Variants in HSPA9 observed in about 807,000 individuals in gnomAD.
HSPA9 encodes the protein heat shock protein family A (Hsp70) member 9.
A neutral mutation model predicts 81.5 loss-of-function variants in HSPA9; 28 were observed. The observed-to-expected ratio is 0.34, with a 90% CI of 0.25 to 0.47. HSPA9 has a LOEUF of 0.47. Ranked by LOEUF, HSPA9 falls within the 20% of genes least tolerant of loss-of-function variation. The pLI is 1.00. For missense variants in HSPA9, 678 were observed against 838.0 expected (o/e 0.81, Z 2.36); for synonymous variants, 293 against 290.4 (o/e 1.01, Z -0.09).
chr5:138,569,076 GA>G (rs1226421156), intron 4 of HSPA9, 27 bp from the exon 5 acceptor site: 1 of 1,610,626 alleles, frequency 6.2e-7, no homozygotes, highest in East Asian at 2.2e-5. Flanking sequence ...TTCTATTAGA[GA>G]AAACTACCTG....
rs1561862820 is a variant in HSPA9 at position 138,573,786 on chromosome 5, C to T, written c.205G>A (p.Val69Ile). ...DLGTTNSCVAVMEGKQAKVLE... is the reference protein window; with the variant it reads ...DLGTTNSCVAIMEGKQAKVLE... ...ACCTTTGCTTGTTTACCTTCCATAA[C>T]TGCCACGCAGGAGTTGGTAGTACCC... is the stretch of plus-strand genomic sequence containing the variant. Residue 69 changes from valine to isoleucine, a missense_variant, in exon 3 of 17, where the codon GTT (valine) becomes ATT (isoleucine). By Grantham distance (29) the Val-to-Ile change is conservative. Coordinates refer to ENST00000297185, the MANE Select transcript of HSPA9 (RefSeq NM_004134.7). 1.9e-6 allele frequency: 3 copies of T among 1,608,566 alleles called. No homozygotes were observed. Among genetic ancestry groups the T allele is most frequent in the Non-Finnish European group, 1.7e-6 (2 of 1,176,266 alleles).
chr5:138,573,217 C>T (rs1466630901), intron 3 of HSPA9, among the ~76,000 whole-genome samples: 1 of 151,768 alleles, frequency 6.6e-6, no homozygotes, highest in Admixed American at 6.6e-5. Flanking sequence ...TTAGTAGAGA[C>T]GGGGTTTCAC....
At chr5:138,556,155 A>G (rs535687711) in intron 16 of HSPA9, 41 bp from the exon 17 acceptor site, 1 of 1,518,880 alleles carries the variant, frequency 6.6e-7, no homozygotes, top group South Asian at 1.1e-5. Flanking sequence ...ATTTAACGTT[A>G]GAGCTAACCA....
chr5:138,564,309 G>A (rs1342000465), intron 9 of HSPA9, among the ~76,000 whole-genome samples: 1 of 152,176 alleles, frequency 6.6e-6, no homozygotes, highest in African/African-American at 2.4e-5. Context: ...TCACCGTGTT[G>A]GCGAGGCTGG....
At position 138,557,918 on chromosome 5, in the gene HSPA9, C is replaced by A. The variant is rs1244582611; in HGVS notation, c.1584G>T (p.Gly528=). 20 of 1,611,468 alleles carry A rather than the reference C, an allele frequency of 1.2e-5. No individual in the cohort carries two copies. Among genetic ancestry groups the A allele is most frequent in the Admixed American group, 3.3e-5 (2 of 59,970 alleles). Residue 528 remains glycine, a synonymous_variant, in exon 13 of 17, where the codon GGG becomes GGT. Coordinates refer to ENST00000297185, the MANE Select transcript of HSPA9 (RefSeq NM_004134.7). ...TATCTTTAGCAGAAACATGTACTAT[C>A]CCATTGGCATCAATGTCAAATGTAA... The part of the protein sequence containing the change: ...IEVTFDIDAN[G]IVHVSAKDKG...
rs1221488474 is a variant in HSPA9 at position 138,557,392 on chromosome 5, AAGT to A, written c.1728+7_1728+9del. 6.4e-7 allele frequency: 1 copy of A among 1,570,334 alleles called. No homozygotes were observed. The highest frequency in any genetic ancestry group is 8.8e-7 in the Non-Finnish European group (1 of 1,141,600). Reference sequence around the variant, plus strand: ...CTAAGATTAAAGTTCAGAAGACAAGAAGTAATCACCTTCTTTCGCCGGTCTTCT... The same window carrying A: ...CTAAGATTAAAGTTCAGAAGACAAGAAATCACCTTCTTTCGCCGGTCTTCT... On this transcript the variant is annotated splice_region_variant and intron_variant, in intron 14 of 16. Transcript: ENST00000297185.
At chr5:138,574,843 C>T in intron 1 of HSPA9, 1 of 205,892 alleles carries the variant, frequency 4.9e-6, no homozygotes, top group East Asian at 1.2e-4. Flanking sequence ...TATTTTATTT[C>T]ACCGTATCAA....
chr5:138,561,161 T>C lies in HSPA9; in HGVS notation c.1182+419A>G, dbSNP rs1246637856. ...AGCTGCAAAGACACATGTACAAAGA[T>C]GGTGGCCGGGGGCGGGGTATTACCA... On this transcript the variant is annotated intron_variant, in intron 10 of 16. Coordinates refer to ENST00000297185, the MANE Select transcript of HSPA9 (RefSeq NM_004134.7). 6.8e-6 allele frequency: 3 copies of C among 440,044 alleles called. No individual in the cohort carries two copies. The Admixed American group carries it at 6.8e-5, about 10-fold the overall frequency. 27.3% of individuals were successfully genotyped at this position (440,044 alleles called of 1,614,324 possible).
chr5:138,559,754 A>G (rs1321527198), intron 11 of HSPA9, 110 bp downstream of exon 11: 3 of 769,450 alleles, frequency 3.9e-6, no homozygotes, highest in Non-Finnish European at 7.0e-6. Context: ...TCTAAACTGT[A>G]AAACAGATAA....
intron 14 of HSPA9, chr5:138,557,080 G>T (rs1750544726): frequency 3.2e-6 from 2 of 618,600 alleles, no homozygotes; most frequent in African/African-American, 3.7e-5. Context: ...GAAAACAGAA[G>T]AAATAATAAA....
At chr5:138,558,693 G>C in intron 11 of HSPA9, 36 bp from the exon 12 acceptor site, 1 of 1,245,736 alleles carries the variant, frequency 8.0e-7, no homozygotes. Context: ...TTGTCAATGT[G>C]ATTAACCTAC....
At position 138,554,839 on chromosome 5, in the gene HSPA9, G is replaced by T. The variant is rs1750486093; in HGVS notation, c.*1198C>A. 1 of 152,178 alleles carries T rather than the reference G, an allele frequency of 6.6e-6. No individual in the cohort carries two copies. Among genetic ancestry groups the T allele is most frequent in the Admixed American group, 6.5e-5 (1 of 15,270 alleles). The allele number at this position is 152,178 out of a possible 1,614,324, so 9.4% of individuals were successfully genotyped here. ...TGATAATTATTAGAACTACATCAGA[G>T]AATTTGGGACAAGCCAGTACACTGA... On this transcript the variant is annotated 3_prime_UTR_variant, in exon 17 of 17. Coordinates refer to ENST00000297185, the MANE Select transcript of HSPA9 (RefSeq NM_004134.7).
At chr5:138,558,277 C>G (rs1445302794) in intron 12 of HSPA9, among the ~76,000 whole-genome samples, 4 of 152,094 alleles carry the variant, frequency 2.6e-5, no homozygotes, top group Admixed American at 6.6e-5. Context: ...CACCAATAAC[C>G]AATAAGCAAT....
rs780832946 is a variant in HSPA9 at position 138,575,364 on chromosome 5, G to A, written c.-46C>T. ...CGAGGCAGCAAACAAGCGCTCCGAC[G>A]GCAAAGAGCTGCGCGATGCGGTGGC... On this transcript the variant is annotated 5_prime_UTR_variant, in exon 1 of 17. Transcript: ENST00000297185. 1.5e-5 allele frequency: 23 copies of A among 1,487,460 alleles called. No homozygotes were observed. The highest frequency in any genetic ancestry group is 1.5e-4 in the South Asian group (13 of 87,184). The allele number at this position is 1,487,460 out of a possible 1,614,324, so 92.1% of individuals were successfully genotyped here. A position where few individuals can be genotyped will look rare whatever the true frequency, so the allele number is the denominator to read the frequency against.
intron 3 of HSPA9, among the ~76,000 whole-genome samples, chr5:138,572,650 A>T (rs1054026298): frequency 2.0e-4 from 31 of 152,058 alleles, no homozygotes; most frequent in Admixed American, 2.0e-3. Context: ...TTTTGCTTTC[A>T]TACTTCCTTT....
Position 138,569,013 on chromosome 5 carries a change from A to G in HSPA9, c.447T>C (p.Asn149=). 2 of 1,613,842 alleles carry G rather than the reference A, an allele frequency of 1.2e-6. No individual in the cohort carries two copies. Among genetic ancestry groups the G allele is most frequent in the African/African-American group, 2.7e-5 (2 of 75,056 alleles). ...CATGAGCCTCAACCCAGGCATCACCATTGGAGGCACGGACAATTTTAAAGG... is the reference window on the plus strand; with the variant it reads ...CATGAGCCTCAACCCAGGCATCACCGTTGGAGGCACGGACAATTTTAAAGG... The part of the protein sequence containing the change: ...NVPFKIVRAS[N]GDAWVEAHGK... Residue 149 remains asparagine, a synonymous_variant, in exon 5 of 17, where the codon AAT becomes AAC. Coordinates refer to ENST00000297185, the MANE Select transcript of HSPA9 (RefSeq NM_004134.7).
intron 16 of HSPA9, among the ~76,000 whole-genome samples, 162 bp downstream of exon 16, chr5:138,556,290 A>C (rs1750518158): frequency 6.6e-6 from 1 of 151,930 alleles, no homozygotes; most frequent in African/African-American, 2.4e-5. Context: ...TTTGACACTA[A>C]CTCCAATGCC....
At position 138,575,118 on chromosome 5, in the gene HSPA9, C is replaced by T. The variant is rs1751059700; in HGVS notation, c.81+120G>A. ...TAACTATGGAAGGCCCGTTACCTTC[C>T]TTCCCGCCTGACCTATACTGGAGAA... On this transcript the variant is annotated intron_variant, in intron 1 of 16. Coordinates refer to ENST00000297185, the MANE Select transcript of HSPA9 (RefSeq NM_004134.7). 4.0e-5 allele frequency: 28 copies of T among 705,634 alleles called. No homozygotes were observed. The East Asian group carries it at 6.8e-4, about 17-fold the overall frequency. The allele number at this position is 705,634 out of a possible 1,614,324, so 43.7% of individuals were successfully genotyped here.
In HSPA9 at chr5:138,567,015, C is replaced by G. The variant is rs1389639190; in HGVS notation, c.865G>C (p.Glu289Gln). The stretch of plus-strand genomic sequence containing the variant: ...TGGTAACTCACCTCTCTCTTGAACT[C>G]CTTCACAATGTGCCGTAGCAAGGCC... ...DQALLRHIVK[E>Q]FKRETGVDLT... The change falls in exon 8 of 17, where the codon GAG becomes CAG. Residue 289 changes from glutamate (E) to glutamine (Q), a missense_variant. By Grantham distance (29) the Glu-to-Gln change is conservative. Transcript: ENST00000297185. 5.6e-6 allele frequency: 9 copies of G among 1,613,022 alleles called. No homozygotes were observed. The highest frequency in any genetic ancestry group is 7.6e-6 in the Non-Finnish European group (9 of 1,179,978).
Sources: allele counts gnomAD v4.1 joint callset (sites outside exome capture counted in the v4.1 genomes callset), GRCh38; gene constraint gnomAD v4.1.1; transcripts MANE v1.5; gene names NCBI Gene and HGNC (gene_info 2026-07-23, HGNC 2026-07-21).